The following MED13L variants were observed in gnomAD, a reference collection of about 807,000 sequenced individuals.
MED13L encodes mediator complex subunit 13L.
In MED13L, 7 loss-of-function variants were observed where a neutral mutation model predicts 220.9. The observed-to-expected ratio is 0.03, with a 90% confidence interval of 0.02 to 0.06. The LOEUF is 0.06. MED13L is among the 10% of genes least tolerant of loss of function. The pLI, the probability that MED13L is intolerant of heterozygous loss-of-function variation, is 1.00. For missense variants in MED13L, 1,965 were observed against 2,760.5 expected (o/e 0.71, Z 6.46); for synonymous variants, 1,011 against 1,015.2 (o/e 1.00, Z 0.08).
chr12:116,050,442 A>C (rs1356510959), intron 4 of MED13L, among the ~76,000 whole-genome samples: 1 of 152,228 alleles, frequency 6.6e-6, no homozygotes, highest in Non-Finnish European at 1.5e-5. Context: ...CTAAAAATGA[A>C]CACCACTGAG....
chr12:115,996,915 T>C (rs1878442309), intron 15 of MED13L, 95 bp downstream of exon 15: 1 of 1,312,064 alleles, frequency 7.6e-7, no homozygotes, highest in East Asian at 2.3e-5. Flanking sequence ...AACTTATGTA[T>C]ATATGGCACA....
At chr12:116,000,590 G>A (rs1212221535) in intron 14 of MED13L, among the ~76,000 whole-genome samples, 4 of 152,264 alleles carry the variant, frequency 2.6e-5, no homozygotes, top group South Asian at 4.1e-4. Flanking sequence ...ATAAACAAAT[G>A]AACCAACCCC....
In MED13L at chr12:116,181,523, T is replaced by C. The variant is rs559470353; in HGVS notation, c.310+55945A>G. On this transcript the variant is annotated intron_variant, in intron 2 of 30. Coordinates refer to ENST00000281928, the MANE Select transcript of MED13L (RefSeq NM_015335.5). Reference sequence around the variant, plus strand: ...TCAAAGTTTGTTTTTTTGTTTTGTTTTGAGACGGCATTTCACTCTTGTTGC... The same window carrying C: ...TCAAAGTTTGTTTTTTTGTTTTGTTCTGAGACGGCATTTCACTCTTGTTGC... Among the ~76,000 whole-genome samples, 9 of 152,320 alleles carry C rather than the reference T, an allele frequency of 5.9e-5. 4 individuals carry two copies. Among genetic ancestry groups the C allele is most frequent in the African/African-American group, 2.2e-4 (9 of 41,578 alleles).
Position 115,984,793 on chromosome 12 carries a change from G to A in MED13L, c.4339-421C>T, listed in dbSNP as rs184039214. Among the ~76,000 whole-genome samples the A allele has an allele frequency of 6.7e-4, 102 of 151,746 alleles. 1 individual carries two copies. In the East Asian group the frequency reaches 0.017, roughly 26 times the overall value. The stretch of plus-strand genomic sequence containing the variant: ...ATAAGATAACATTAAAATTTTATGG[G>A]CCATCTGTTCTGTTACAGACATTTG... On this transcript the variant is annotated intron_variant, in intron 19 of 30. Coordinates refer to ENST00000281928, the MANE Select transcript of MED13L (RefSeq NM_015335.5).
intron 8 of MED13L, 39 bp from the exon 9 acceptor site, chr12:116,012,940 T>C (rs770227060): frequency 2.9e-6 from 4 of 1,387,202 alleles, no homozygotes. Flanking sequence ...GTGAACATAA[T>C]ACCCATACCC....
At chr12:116,258,362 G>A (rs1216675506) in intron 1 of MED13L, among the ~76,000 whole-genome samples, 1 of 152,166 alleles carries the variant, frequency 6.6e-6, no homozygotes, top group Non-Finnish European at 1.5e-5. Flanking sequence ...TGGTAGTTAA[G>A]CAGTGCACGC....
At chr12:116,006,053 G>A (rs902282658) in intron 12 of MED13L, 60 bp from the exon 13 acceptor site, 1 of 1,602,764 alleles carries the variant, frequency 6.2e-7, no homozygotes, top group South Asian at 1.1e-5. Flanking sequence ...AAAGGAGTAG[G>A]GAGAGGACAC....
At chr12:116,020,593 G>A (rs966849144) in intron 5 of MED13L, among the ~76,000 whole-genome samples, 24 of 152,128 alleles carry the variant, frequency 1.6e-4, no homozygotes, top group Non-Finnish European at 3.2e-4. Context: ...TGTTTTGACT[G>A]TTTTAGAGGT....
intron 23 of MED13L, 168 bp downstream of exon 23, chr12:115,980,582 C>G: frequency 1.4e-6 from 1 of 737,294 alleles, no homozygotes; most frequent in Admixed American, 2.1e-5. Context: ...CCTCAGCCTC[C>G]GAAAGTGCTA....
Position 116,093,966 on chromosome 12 carries a change from T to C in MED13L, c.479+2703A>G, listed in dbSNP as rs999919115. On this transcript the variant is annotated intron_variant, in intron 4 of 30. Transcript: ENST00000281928. ...ATCTTCACTATAACCCTCTAAGACA[T>C]TATGATTTTCAACTCAATAATAATA... Among the ~76,000 whole-genome samples the C allele has an allele frequency of 2.6e-5, 4 of 152,142 alleles. No individual in the cohort carries two copies. The East Asian group carries it at 7.7e-4, about 29-fold the overall frequency.
chr12:116,182,390 T>C (rs751103221), intron 2 of MED13L, among the ~76,000 whole-genome samples: 3 of 152,176 alleles, frequency 2.0e-5, no homozygotes, highest in Non-Finnish European at 2.9e-5. Flanking sequence ...TCTCCTATCT[T>C]TGGTCTCAAC....
At chr12:116,239,213 G>A (rs1379211212) in intron 1 of MED13L, among the ~76,000 whole-genome samples, 3 of 152,090 alleles carry the variant, frequency 2.0e-5, no homozygotes, top group Non-Finnish European at 4.4e-5. Flanking sequence ...CTAAAAATCA[G>A]TAACTTATAT....
chr12:116,242,327 G>A (rs1301878101), intron 1 of MED13L, among the ~76,000 whole-genome samples: 8 of 152,138 alleles, frequency 5.3e-5, no homozygotes, highest in Admixed American at 3.3e-4. Context: ...TTACAGGCGT[G>A]AGCCATTGTG....
chr12:116,242,038 G>A (rs1269765987), intron 1 of MED13L, among the ~76,000 whole-genome samples: 2 of 144,032 alleles, frequency 1.4e-5, no homozygotes, highest in East Asian at 2.0e-4. Flanking sequence ...TGCACTCCAA[G>A]TTCTTTTGTC....
chr12:115,972,370 G>T, intron 25 of MED13L, 134 bp from the exon 26 acceptor site: 1 of 979,954 alleles, frequency 1.0e-6, no homozygotes, highest in Non-Finnish European at 1.6e-6. Context: ...CTTTACATAT[G>T]TTCCCCTCCT....
chr12:116,027,299 G>A (rs1035091939), intron 4 of MED13L, among the ~76,000 whole-genome samples: 1 of 152,106 alleles, frequency 6.6e-6, no homozygotes, highest in African/African-American at 2.4e-5. Flanking sequence ...GGCACTGCCT[G>A]TAGTCCCAGC....
At chr12:116,037,284 C>G (rs575530234) in intron 4 of MED13L, among the ~76,000 whole-genome samples, 5 of 152,302 alleles carry the variant, frequency 3.3e-5, no homozygotes, top group Middle Eastern at 3.4e-3. Context: ...AAACTCCACA[C>G]ATGACCTCAT....
intron 1 of MED13L, among the ~76,000 whole-genome samples, chr12:116,246,807 TGGG>T (rs1871132720): frequency 5.3e-5 from 1 of 18,904 alleles, no homozygotes; most frequent in South Asian, 3.7e-3. Context: ...GGGAGGGAGG[TGGG>T]GAGGGGAAGG....
intron 2 of MED13L, among the ~76,000 whole-genome samples, chr12:116,199,947 G>A (rs141486536): frequency 4.7e-4 from 71 of 151,874 alleles, no homozygotes; most frequent in African/African-American, 1.5e-3. Flanking sequence ...TGTTTTCCAC[G>A]AAATATAATT....
Sources: allele counts gnomAD v4.1 joint callset (sites outside exome capture counted in the v4.1 genomes callset), GRCh38; gene constraint gnomAD v4.1.1; transcripts MANE v1.5; gene names NCBI Gene and HGNC (gene_info 2026-07-23, HGNC 2026-07-21).